The following PHF14 variants were observed in gnomAD, a reference collection of about 807,000 sequenced individuals.
PHF14 encodes the protein PHD finger protein 14.
In PHF14, 55 loss-of-function variants were observed where a neutral mutation model predicts 117.9. The observed-to-expected ratio is 0.47, with a 90% confidence interval of 0.38 to 0.58. The LOEUF (loss-of-function observed/expected upper bound fraction) is 0.58, where lower values mean the gene tolerates loss of function less well. Among genes scored for constraint, PHF14 ranks in the 20% least tolerant of loss-of-function variants. The pLI, the probability that PHF14 is intolerant of heterozygous loss-of-function variation, is 0.00. For missense variants in PHF14, 978 were observed against 1,122.2 expected (o/e 0.87, Z 1.84); for synonymous variants, 409 against 368.6 (o/e 1.11, Z -1.26).
At chr7:11,082,901 T>C (rs1341757479) in intron 16 of PHF14, among the ~76,000 whole-genome samples, 2 of 152,194 alleles carry the variant, frequency 1.3e-5, no homozygotes, top group African/African-American at 2.4e-5. Context: ...TTTTCTTCTC[T>C]TTTTCTTTCT....
chr7:11,106,407 A>G (rs1787266997), intron 16 of PHF14: 5 of 961,400 alleles, frequency 5.2e-6, no homozygotes, highest in African/African-American at 1.8e-5. Flanking sequence ...ATTAAAAACC[A>G]TTTTCTAATT....
intron 3 of PHF14, among the ~76,000 whole-genome samples, chr7:10,983,506 A>T (rs1782115539): frequency 6.6e-6 from 1 of 152,166 alleles, no homozygotes; most frequent in African/African-American, 2.4e-5. Context: ...TGAGTGCATT[A>T]TGAAAACAAA....
rs1171341626 is a variant in PHF14, at chr7:11,022,920, A to G, written c.1258A>G (p.Ile420Val). ...TGTTCCTGGAGTAGCCTTTGGAGATATTGACAAATTACGACCAGTAACACT... is the reference window on the plus strand; with the variant it reads ...TGTTCCTGGAGTAGCCTTTGGAGATGTTGACAAATTACGACCAGTAACACT... ...LYVPGVAFGDIDKLRPVTLTE... is the reference protein window; with the variant it reads ...LYVPGVAFGDVDKLRPVTLTE... Residue 420 changes from isoleucine to valine, a missense_variant, in exon 6 of 18, where the codon ATT becomes GTT. Ile to Val is a conservative substitution (Grantham distance 29). Transcript: ENST00000634607. 5.0e-6 allele frequency: 8 copies of G among 1,611,412 alleles called. No homozygotes were observed. The highest frequency in any genetic ancestry group is 1.7e-5 in the Admixed American group (1 of 59,866).
intron 16 of PHF14, chr7:11,063,061 G>T: frequency 1.2e-6 from 1 of 837,188 alleles, no homozygotes; most frequent in Non-Finnish European, 1.4e-6. Context: ...ATCTATTTTG[G>T]TCATTAAAAT....
chr7:11,115,113 G>A (rs540696367), intron 17 of PHF14, among the ~76,000 whole-genome samples: 35 of 151,878 alleles, frequency 2.3e-4, no homozygotes, highest in African/African-American at 7.5e-4. Context: ...ATCTCACATA[G>A]CAAATCACTT....
At chr7:11,063,867 T>C (rs117983516) in intron 16 of PHF14, 6,670 of 200,142 alleles carry the variant, frequency 0.033, 157 homozygotes, top group Middle Eastern at 0.071. Flanking sequence ...GAAATTTTTA[T>C]TTCTAATTGC....
At chr7:10,995,470 C>G (rs1053269721) in intron 4 of PHF14, among the ~76,000 whole-genome samples, 1 of 152,238 alleles carries the variant, frequency 6.6e-6, no homozygotes, top group African/African-American at 2.4e-5. Context: ...CCACTAGACT[C>G]GGGAGCCTAG....
At chr7:11,132,445 A>T (rs1389694568) in intron 17 of PHF14, among the ~76,000 whole-genome samples, 1 of 151,302 alleles carries the variant, frequency 6.6e-6, no homozygotes, top group Non-Finnish European at 1.5e-5. Flanking sequence ...TTTTTTAGGG[A>T]TAAATAACAT....
chr7:11,145,185 T>C (rs1788511227), intron 17 of PHF14, among the ~76,000 whole-genome samples: 1 of 151,990 alleles, frequency 6.6e-6, no homozygotes, highest in South Asian at 2.1e-4. Context: ...ACTCACCTGG[T>C]TTGAAAGGTC....
intron 16 of PHF14, among the ~76,000 whole-genome samples, chr7:11,082,374 A>G (rs548676243): frequency 3.3e-5 from 5 of 152,196 alleles, no homozygotes; most frequent in Non-Finnish European, 7.3e-5. Flanking sequence ...AAAAACATCA[A>G]TTTAATAAAA....
rs1782082283 is a variant in PHF14 at position 10,982,693 on chromosome 7, C to T, written c.434C>T (p.Ala145Val). The T allele has an allele frequency of 6.2e-7, 1 of 1,605,668 alleles. No homozygotes were observed. The highest frequency in any genetic ancestry group is 1.1e-5 in the South Asian group (1 of 90,132). The change falls in exon 3 of 18, where the codon GCT becomes GTT. Residue 145 changes from alanine (A) to valine (V), a missense_variant. This residue lies in a region of PHF14 where 414 missense variants were observed against 376.4 expected (regional missense o/e 1.10). Coordinates refer to ENST00000634607, the MANE Select transcript of PHF14 (RefSeq NM_001007157.2). ...KEKATVSENV[A>V]ASAAATTPAT... ...AAAGCAACAGTATCTGAGAATGTGG[C>T]TGCTTCTGCTGCTGCCACCACACCA...
intron 17 of PHF14, among the ~76,000 whole-genome samples, chr7:11,164,489 G>A (rs181032513): frequency 3.3e-4 from 50 of 152,260 alleles, no homozygotes; most frequent in African/African-American, 1.1e-3. Flanking sequence ...AATTATAGCT[G>A]TATATTTCAG....
At chr7:11,080,458 G>A (rs1198275656) in intron 16 of PHF14, among the ~76,000 whole-genome samples, 1 of 152,070 alleles carries the variant, frequency 6.6e-6, no homozygotes, top group South Asian at 2.1e-4. Flanking sequence ...TTCTCAGTCA[G>A]TATGGCATCA....
intron 17 of PHF14, among the ~76,000 whole-genome samples, chr7:11,132,712 CCTA>C (rs1486396078): frequency 6.6e-6 from 1 of 151,598 alleles, no homozygotes; most frequent in Non-Finnish European, 1.5e-5. Context: ...AACTTACATT[CCTA>C]CTAACAGTGT....
chr7:11,002,170 C>T (rs1383501914), intron 4 of PHF14, among the ~76,000 whole-genome samples: 2 of 151,254 alleles, frequency 1.3e-5, no homozygotes, highest in African/African-American at 4.9e-5. Context: ...TCAGCCTCCC[C>T]TAATGTGTAT....
rs1217684154 is a variant in PHF14, at chr7:11,169,598, A to G, written c.*108A>G. ...AAATCTAATTTGCAAAATGTTCTCAATAAAGTCATTCAAAATGAAATAGGA... is the reference window on the plus strand; with the variant it reads ...AAATCTAATTTGCAAAATGTTCTCAGTAAAGTCATTCAAAATGAAATAGGA... On this transcript the variant is annotated 3_prime_UTR_variant, in exon 18 of 18. Coordinates refer to ENST00000634607, the MANE Select transcript of PHF14 (RefSeq NM_001007157.2). The G allele has an allele frequency of 2.0e-6, 1 of 492,520 alleles. No individual in the cohort carries two copies. Among genetic ancestry groups the G allele is most frequent in the Non-Finnish European group, 3.6e-6 (1 of 280,356 alleles). 30.5% of individuals were successfully genotyped at this position (492,520 alleles called of 1,614,324 possible).
intron 17 of PHF14, among the ~76,000 whole-genome samples, chr7:11,166,505 C>T (rs1789205304): frequency 6.6e-6 from 1 of 152,104 alleles, no homozygotes; most frequent in Non-Finnish European, 1.5e-5. Flanking sequence ...TAATCTGGAA[C>T]TGCGTATAAA....
At chr7:10,997,760 A>G (rs1562567830) in intron 4 of PHF14, among the ~76,000 whole-genome samples, 1 of 152,214 alleles carries the variant, frequency 6.6e-6, no homozygotes, top group Non-Finnish European at 1.5e-5. Flanking sequence ...AGCTGCATGA[A>G]TGTCTTCATG....
In PHF14 at chr7:10,974,197, T is replaced by G; in HGVS notation, c.-127T>G. ...TTGGGAGCGCCCCTGTCCGGCTGGC[T>G]GCGCGCCGGTTTTAAATAGCATCTT... On this transcript the variant is annotated 5_prime_UTR_variant, in exon 1 of 18. Coordinates refer to ENST00000634607, the MANE Select transcript of PHF14 (RefSeq NM_001007157.2). The G allele has an allele frequency of 1.2e-6, 1 of 822,262 alleles. No homozygotes were observed. The highest frequency in any genetic ancestry group is 2.0e-6 in the Non-Finnish European group (1 of 498,502). 50.9% of individuals were successfully genotyped at this position (822,262 alleles called of 1,614,324 possible). A position where few individuals can be genotyped will look rare whatever the true frequency, so the allele number is the denominator to read the frequency against.
Sources: allele counts gnomAD v4.1 joint callset (sites outside exome capture counted in the v4.1 genomes callset), GRCh38; gene constraint gnomAD v4.1.1; regional missense constraint gnomAD v4.1.1; transcripts MANE v1.5; gene names NCBI Gene and HGNC (gene_info 2026-07-23, HGNC 2026-07-21).